TRIM33: variants seen among roughly 807,000 people sequenced by gnomAD.
TRIM33 encodes the protein tripartite motif containing 33.
A neutral mutation model predicts 125.4 loss-of-function variants in TRIM33; 20 were observed. The ratio of observed to expected loss-of-function variants is 0.16; its 90% confidence interval spans 0.11 to 0.23. The LOEUF is 0.23. Ranked by LOEUF, TRIM33 falls within the 10% of genes least tolerant of loss-of-function variation. TRIM33 has a pLI of 1.00. For synonymous variants in TRIM33, 564 were observed against 513.9 expected, an observed-to-expected ratio of 1.10 and a Z score of -1.32; for missense variants, 920 against 1,411.4, an observed-to-expected ratio of 0.65 and a Z score of 5.58.
At chr1:114,404,166 G>A (rs1374845096) in intron 15 of TRIM33, among the ~76,000 whole-genome samples, 1 of 152,030 alleles carries the variant, frequency 6.6e-6, no homozygotes, top group African/African-American at 2.4e-5. Flanking sequence ...ACGGAGTCCT[G>A]CTCTGTCACC....
intron 1 of TRIM33, among the ~76,000 whole-genome samples, chr1:114,474,528 C>G (rs528615860): frequency 7.1e-6 from 1 of 140,818 alleles, no homozygotes; most frequent in South Asian, 2.3e-4. Context: ...GAGCTAGGAT[C>G]ATGCCACTCT....
chr1:114,461,511 T>C (rs1382164795), intron 4 of TRIM33, among the ~76,000 whole-genome samples: 1 of 151,162 alleles, frequency 6.6e-6, no homozygotes, highest in Non-Finnish European at 1.5e-5. Flanking sequence ...GTCACACACA[T>C]GGTCACAGAA....
At chr1:114,429,630 GA>G (rs370027645) in intron 6 of TRIM33, among the ~76,000 whole-genome samples, 4,827 of 127,878 alleles carry the variant, frequency 0.038, 108 homozygotes, top group Non-Finnish European at 0.044. Flanking sequence ...AGATGGGACA[GA>G]AAAAAAAAAA....
chr1:114,434,783 T>C (rs942828620), intron 4 of TRIM33, among the ~76,000 whole-genome samples: 1 of 152,210 alleles, frequency 6.6e-6, no homozygotes, highest in Admixed American at 6.5e-5. Flanking sequence ...ATAATTCACG[T>C]ATATATAATT....
chr1:114,480,543 T>G (rs1300766982), intron 1 of TRIM33, among the ~76,000 whole-genome samples: 4 of 68,594 alleles, frequency 5.8e-5, no homozygotes, highest in Non-Finnish European at 1.2e-4. Context: ...AAAAGAGAGA[T>G]ATCATAATTG....
chr1:114,505,283 A>C (rs1652929224), intron 1 of TRIM33, among the ~76,000 whole-genome samples: 1 of 152,160 alleles, frequency 6.6e-6, no homozygotes, highest in Non-Finnish European at 1.5e-5. Context: ...TCAAACACTC[A>C]AGCTTGTTTC....
rs1651045188 is a variant in TRIM33, at chr1:114,477,442, T to A, written c.527-13054A>T. On this transcript the variant is annotated intron_variant, in intron 1 of 19. Transcript: ENST00000358465. ...TATACAAAATTATTAATGGAACAGATTCTGGAGCCAGACTACACAGATTTA... is the reference window on the plus strand; with the variant it reads ...TATACAAAATTATTAATGGAACAGAATCTGGAGCCAGACTACACAGATTTA... 2.0e-5 allele frequency among the ~76,000 whole-genome samples: 3 copies of A among 152,120 alleles called. No homozygotes were observed. In the South Asian group the frequency reaches 6.2e-4, roughly 32 times the overall value.
Position 114,395,263 on chromosome 1 carries a change from G to A in TRIM33, c.*2385C>T, listed in dbSNP as rs2101066927. ...CTCAGCAGTATACATTATCTTAACA[G>A]AAGTGGAGGCTATTAAATGTTGACA... On this transcript the variant is annotated 3_prime_UTR_variant, in exon 20 of 20. Transcript: ENST00000358465. 4.9e-6 allele frequency: 1 copy of A among 204,902 alleles called. No individual in the cohort carries two copies. The highest frequency in any genetic ancestry group is 1.0e-5 in the Non-Finnish European group (1 of 100,126). The allele number at this position is 204,902 out of a possible 1,614,324, so 12.7% of individuals were successfully genotyped here.
Position 114,458,268 on chromosome 1 carries a change from T to A in TRIM33, c.923+4836A>T, listed in dbSNP as rs930091075. Among the ~76,000 whole-genome samples the A allele has an allele frequency of 2.0e-5, 3 of 152,214 alleles. No individual in the cohort carries two copies. The South Asian group carries it at 6.2e-4, about 32-fold the overall frequency. On this transcript the variant is annotated intron_variant, in intron 4 of 19. Coordinates refer to ENST00000358465, the MANE Select transcript of TRIM33 (RefSeq NM_015906.4). ...TAAACAGCAACCATTGTTCCCTGTCTTGTTTTTTATAATTGCTTATTGCTC... is the reference window on the plus strand; with the variant it reads ...TAAACAGCAACCATTGTTCCCTGTCATGTTTTTTATAATTGCTTATTGCTC...
intron 2 of TRIM33, 72 bp downstream of exon 2, chr1:114,464,198 C>A (rs533816922): frequency 2.6e-6 from 2 of 764,030 alleles, no homozygotes; most frequent in Non-Finnish European, 4.2e-6. Context: ...ACTTAACTAT[C>A]CAAACATGTT....
intron 1 of TRIM33, among the ~76,000 whole-genome samples, chr1:114,495,892 CTAATT>C (rs1218559334): frequency 6.6e-6 from 1 of 152,160 alleles, no homozygotes; most frequent in Non-Finnish European, 1.5e-5. Context: ...AAATTTATTA[CTAATT>C]TATTATAAAA....
intron 1 of TRIM33, among the ~76,000 whole-genome samples, chr1:114,508,724 T>G (rs1261621270): frequency 1.3e-5 from 2 of 152,124 alleles, no homozygotes; most frequent in African/African-American, 4.8e-5. Context: ...CCAATCTCAA[T>G]ACACTCCCCC....
At chr1:114,507,062 A>G (rs72990821) in intron 1 of TRIM33, among the ~76,000 whole-genome samples, 9,652 of 152,318 alleles carry the variant, frequency 0.063, 323 homozygotes, top group African/African-American at 0.086. Flanking sequence ...ACGGGCAAGT[A>G]AACAAAAATA....
In TRIM33 at chr1:114,505,491, A is replaced by C. The variant is rs115880673; in HGVS notation, c.526+5060T>G. On this transcript the variant is annotated intron_variant, in intron 1 of 19. Transcript: ENST00000358465. ...AACACTATGAGGAAGTGCTCTTCAC[A>C]CTACACTCAGAGGTTTTCCCTCCCA... is the stretch of plus-strand genomic sequence containing the variant. Among the ~76,000 whole-genome samples, 1,036 of 151,590 alleles carry C rather than the reference A, an allele frequency of 6.8e-3. 13 individuals carry two copies. Among genetic ancestry groups the C allele is most frequent in the African/African-American group, 0.024 (979 of 41,332 alleles).
At chr1:114,476,101 A>T (rs909730006) in intron 1 of TRIM33, among the ~76,000 whole-genome samples, 8 of 152,138 alleles carry the variant, frequency 5.3e-5, no homozygotes, top group African/African-American at 1.4e-4. Flanking sequence ...AAAAGAATGG[A>T]TGAAATAATT....
Position 114,393,080 on chromosome 1 carries a change from T to C in TRIM33, c.*4568A>G, listed in dbSNP as rs567856621. On this transcript the variant is annotated 3_prime_UTR_variant, in exon 20 of 20. Transcript: ENST00000358465. Reference sequence around the variant, plus strand: ...GAAACAGCACTTTTTAAGAATCATATTGAAGGGCAGTTAACTATGTGCAAA... The same window carrying C: ...GAAACAGCACTTTTTAAGAATCATACTGAAGGGCAGTTAACTATGTGCAAA... 18 of 203,398 alleles carry C rather than the reference T, an allele frequency of 8.8e-5. No individual in the cohort carries two copies. The highest frequency in any genetic ancestry group is 1.9e-4 in the South Asian group (1 of 5,270). 12.6% of individuals were successfully genotyped at this position (203,398 alleles called of 1,614,324 possible).
At chr1:114,489,454 A>G (rs980169211) in intron 1 of TRIM33, among the ~76,000 whole-genome samples, 4 of 152,124 alleles carry the variant, frequency 2.6e-5, no homozygotes, top group Non-Finnish European at 4.4e-5. Flanking sequence ...AAACTTAAAA[A>G]CTTTTGTGGC....
intron 1 of TRIM33, among the ~76,000 whole-genome samples, chr1:114,484,221 T>C (rs1651530528): frequency 6.6e-6 from 1 of 152,248 alleles, no homozygotes; most frequent in Admixed American, 6.5e-5. Flanking sequence ...CAGCATTTCA[T>C]ACTTTGGAAA....
rs192672840 is a variant in TRIM33 at position 114,447,265 on chromosome 1, T to C, written c.924-13532A>G. 1.8e-3 allele frequency among the ~76,000 whole-genome samples: 271 copies of C among 151,942 alleles called. 2 individuals are homozygous for C. Among genetic ancestry groups the C allele is most frequent in the African/African-American group, 6.2e-3 (258 of 41,444 alleles). ...GAGACCAGGGTAGAGGCAACAGAGG[T>C]AGTACGTGGTAGGAGTTGGTGATAT... is the stretch of plus-strand genomic sequence containing the variant. On this transcript the variant is annotated intron_variant, in intron 4 of 19. Coordinates refer to ENST00000358465, the MANE Select transcript of TRIM33 (RefSeq NM_015906.4).
Sources: allele counts gnomAD v4.1 joint callset (sites outside exome capture counted in the v4.1 genomes callset), GRCh38; gene constraint gnomAD v4.1.1; transcripts MANE v1.5; gene names NCBI Gene and HGNC (gene_info 2026-07-23, HGNC 2026-07-21).